SEC22B: variants seen among roughly 807,000 people sequenced by gnomAD.
SEC22B encodes SEC22 homolog B, vesicle trafficking protein, also known as vesicle-trafficking protein SEC22b.
A neutral mutation model predicts 31.4 loss-of-function variants in SEC22B; 10 were observed. That is an observed-to-expected ratio of 0.32 (90% CI 0.20 to 0.54). SEC22B has a LOEUF of 0.54. Among genes scored for constraint, SEC22B ranks in the 20% least tolerant of loss-of-function variants. SEC22B has a pLI of 0.94. For synonymous variants in SEC22B, 60 were observed against 95.9 expected, an observed-to-expected ratio of 0.63 and a Z score of 2.19; for missense variants, 130 against 263.4, an observed-to-expected ratio of 0.49 and a Z score of 3.50.
At chr1:120,170,884 G>C (rs1657885527) in intron 1 of SEC22B, among the ~76,000 whole-genome samples, 1 of 137,796 alleles carries the variant, frequency 7.3e-6, no homozygotes, top group South Asian at 2.2e-4. Flanking sequence ...TGTTTCCCCA[G>C]TGCCATTCTG....
At chr1:120,167,736 A>C (rs2101130872) in intron 2 of SEC22B, among the ~76,000 whole-genome samples, 1 of 152,230 alleles carries the variant, frequency 6.6e-6, no homozygotes, top group African/African-American at 2.4e-5. Context: ...TAAACCCTTA[A>C]TAGCTCTTGG....
At chr1:120,168,557 T>C (rs1303699797) in intron 2 of SEC22B, among the ~76,000 whole-genome samples, 2 of 151,472 alleles carry the variant, frequency 1.3e-5, no homozygotes, top group Non-Finnish European at 2.9e-5. Context: ...GCAAGGGTAC[T>C]AACCTACACA....
Position 120,160,365 on chromosome 1 carries a change from A to G in SEC22B, c.493+19T>C, listed in dbSNP as rs1448614482. Reference sequence around the variant, plus strand: ...GGAATGAGAACCATTTCTTCATAAGACTCATTGCTTTTAGATACCTGAGAG... The same window carrying G: ...GGAATGAGAACCATTTCTTCATAAGGCTCATTGCTTTTAGATACCTGAGAG... On this transcript the variant is annotated intron_variant, in intron 4 of 4. Transcript: ENST00000578049. 50 of 1,592,128 alleles carry G rather than the reference A, an allele frequency of 3.1e-5. No individual in the cohort carries two copies. The Admixed American group carries it at 3.5e-4, about 11-fold the overall frequency.
rs1345682151 is a variant in SEC22B at position 120,160,344 on chromosome 1, T to G, written c.493+40A>C. The G allele has an allele frequency of 2.0e-3, 3,070 of 1,501,136 alleles. 75 individuals are homozygous for G. The South Asian group carries it at 0.034, about 16-fold the overall frequency. 93.0% of individuals were successfully genotyped at this position (1,501,136 alleles called of 1,614,324 possible). A position where few individuals can be genotyped will look rare whatever the true frequency, so the allele number is the denominator to read the frequency against. On this transcript the variant is annotated intron_variant, in intron 4 of 4. Transcript: ENST00000578049. ...AAATAAGCTATCCTTGTCTATGGAATGAGAACCATTTCTTCATAAGACTCA... is the reference window on the plus strand; with the variant it reads ...AAATAAGCTATCCTTGTCTATGGAAGGAGAACCATTTCTTCATAAGACTCA...
chr1:120,176,423 T>C lies in SEC22B; in HGVS notation c.-42A>G. The C allele has an allele frequency of 6.3e-7, 1 of 1,577,440 alleles. No individual in the cohort carries two copies. Among genetic ancestry groups the C allele is most frequent in the Non-Finnish European group, 8.7e-7 (1 of 1,149,104 alleles). On this transcript the variant is annotated 5_prime_UTR_variant, in exon 1 of 5. Coordinates refer to ENST00000578049, the MANE Select transcript of SEC22B (RefSeq NM_004892.6). ...GATCCAACACTGGCCCGGAAGGCCC[T>C]TGGCGCCGTCCTCACTTCCTCCGCC...
intron 2 of SEC22B, among the ~76,000 whole-genome samples, chr1:120,167,769 G>A (rs1299771133): frequency 6.6e-6 from 1 of 152,108 alleles, no homozygotes; most frequent in Non-Finnish European, 1.5e-5. Context: ...GATGATATGA[G>A]ATTATGAATG....
At chr1:120,169,899 C>G (rs1657868445) in intron 1 of SEC22B, among the ~76,000 whole-genome samples, 1 of 149,142 alleles carries the variant, frequency 6.7e-6, no homozygotes, top group East Asian at 2.0e-4. Flanking sequence ...ATCCTAACCC[C>G]CCAAAGTGAT....
intron 2 of SEC22B, among the ~76,000 whole-genome samples, chr1:120,163,750 AT>A (rs1657757490): frequency 6.7e-6 from 1 of 150,346 alleles, no homozygotes; most frequent in Non-Finnish European, 1.5e-5. Context: ...TAATTTTTGT[AT>A]TTTTAGTAGA....
Position 120,155,909 on chromosome 1 carries a change from C to A in SEC22B, c.*1129G>T, listed in dbSNP as rs1657621256. ...CTCCAGAACATTCTCAGAGAATTTA[C>A]ACGAACTAAAACAGGAATGAAGTGC... On this transcript the variant is annotated 3_prime_UTR_variant, in exon 5 of 5. Transcript: ENST00000578049. 1 of 151,384 alleles carries A rather than the reference C, an allele frequency of 6.6e-6. No homozygotes were observed. The highest frequency in any genetic ancestry group is 2.4e-5 in the African/African-American group (1 of 41,314). The allele number at this position is 151,384 out of a possible 1,614,324, so 9.4% of individuals were successfully genotyped here.
intron 1 of SEC22B, among the ~76,000 whole-genome samples, chr1:120,174,351 A>G (rs1272901908): frequency 6.6e-6 from 1 of 152,282 alleles, no homozygotes; most frequent in African/African-American, 2.4e-5. Flanking sequence ...AGTAAAAGTA[A>G]GCCTAAGATT....
At chr1:120,160,665 G>A in intron 3 of SEC22B, 135 bp from the exon 4 acceptor site, 1 of 499,666 alleles carries the variant, frequency 2.0e-6, no homozygotes. Context: ...CAAGGCAGGT[G>A]AATCATGAGG....
intron 1 of SEC22B, 113 bp downstream of exon 1, chr1:120,176,194 C>A: frequency 1.1e-6 from 1 of 907,418 alleles, no homozygotes; most frequent in Non-Finnish European, 1.7e-6. Context: ...TCAGAGAGGT[C>A]GGGAGTGCCC....
intron 2 of SEC22B, among the ~76,000 whole-genome samples, chr1:120,164,776 C>A (rs1657780531): frequency 2.0e-5 from 3 of 151,756 alleles, no homozygotes; most frequent in Non-Finnish European, 4.4e-5. Context: ...GGATATAAAC[C>A]CATTAATGGG....
rs1407215483 is a variant in SEC22B at position 120,151,194 on chromosome 1, T to C, written c.*5844A>G. 6.6e-6 allele frequency: 1 copy of C among 151,718 alleles called. No homozygotes were observed. Among genetic ancestry groups the C allele is most frequent in the African/African-American group, 2.4e-5 (1 of 41,264 alleles). 9.4% of individuals were successfully genotyped at this position (151,718 alleles called of 1,614,324 possible). On this transcript the variant is annotated 3_prime_UTR_variant, in exon 5 of 5. Coordinates refer to ENST00000578049, the MANE Select transcript of SEC22B (RefSeq NM_004892.6). ...GATATTCTGGAGAAAAGGCACAGAG[T>C]GAGCCAAGGCACAAGGTAAAATGTT...
intron 4 of SEC22B, chr1:120,159,516 T>C (rs1186096855): frequency 4.0e-5 from 6 of 148,926 alleles, no homozygotes; most frequent in Admixed American, 2.7e-4. Context: ...TATATACTTA[T>C]GTTATATGGA....
intron 3 of SEC22B, among the ~76,000 whole-genome samples, chr1:120,161,334 A>C (rs1381188677): frequency 5.9e-5 from 9 of 152,180 alleles, no homozygotes; most frequent in Admixed American, 2.0e-4. Context: ...GTTTCATTCC[A>C]TTCTTAAACC....
In SEC22B at chr1:120,155,343, GC is replaced by G. The variant is rs1416484657; in HGVS notation, c.*1694del. On this transcript the variant is annotated 3_prime_UTR_variant, in exon 5 of 5. Transcript: ENST00000578049. The stretch of plus-strand genomic sequence containing the variant: ...TATGTAGGTTTTCAGCCTTTCAAAG[GC>G]TTTTATTATTAACATCATCATTACT... 8 of 150,084 alleles carry G rather than the reference GC, an allele frequency of 5.3e-5. No homozygotes were observed. The highest frequency in any genetic ancestry group is 2.0e-4 in the African/African-American group (8 of 40,842). The allele number at this position is 150,084 out of a possible 1,614,324, so 9.3% of individuals were successfully genotyped here.
Position 120,176,486 on chromosome 1 carries a change from A to ACGCAAGCAGCTGGATC in SEC22B, c.-106_-105insGATCCAGCTGCTTGCG. 2 of 1,015,252 alleles carry ACGCAAGCAGCTGGATC rather than the reference A, an allele frequency of 2.0e-6. No individual in the cohort carries two copies. The highest frequency in any genetic ancestry group is 3.0e-6 in the Non-Finnish European group (2 of 676,800). The allele number at this position is 1,015,252 out of a possible 1,614,324, so 62.9% of individuals were successfully genotyped here. On this transcript the variant is annotated 5_prime_UTR_variant, in exon 1 of 5. Transcript: ENST00000578049. ...ATACCCTATGTCTCAGTTACCGGAG[A>ACGCAAGCAGCTGGATC]TCCAGCTGCTTGCGTCTCCGCTTCC...
chr1:120,160,076 A>G (rs1290177557), intron 4 of SEC22B, among the ~76,000 whole-genome samples: 21,789 of 132,688 alleles, frequency 0.16, 4,112 homozygotes, highest in African/African-American at 0.47. Flanking sequence ...GCAATACATC[A>G]TTGAGTTTTC....
Sources: allele counts gnomAD v4.1 joint callset (sites outside exome capture counted in the v4.1 genomes callset), GRCh38; gene constraint gnomAD v4.1.1; transcripts MANE v1.5; gene names NCBI Gene and HGNC (gene_info 2026-07-23, HGNC 2026-07-21).